The following SLAIN1 variants were observed in gnomAD, a reference collection of about 807,000 sequenced individuals.
SLAIN1 encodes the protein SLAIN family member 1.
Under a neutral mutation model 55.4 loss-of-function variants are expected in SLAIN1, and 17 were observed. The observed-to-expected ratio is 0.31, with a 90% CI of 0.21 to 0.46. The LOEUF (loss-of-function observed/expected upper bound fraction) is 0.46. SLAIN1 is among the 20% of genes least tolerant of loss of function. The probability of loss-of-function intolerance (pLI) is 1.00; values close to 1 mark genes in which losing one functional copy is unlikely to be tolerated. For synonymous variants in SLAIN1, 348 were observed against 337.4 expected, an observed-to-expected ratio of 1.03 and a Z score of -0.35; for missense variants, 682 against 785.1, an observed-to-expected ratio of 0.87 and a Z score of 1.57.
chr13:77,727,468 C>A (rs1347041243), intron 2 of SLAIN1, among the ~76,000 whole-genome samples: 3 of 144,192 alleles, frequency 2.1e-5, no homozygotes, highest in Non-Finnish European at 3.0e-5. Flanking sequence ...TTTCATTGAA[C>A]ATTTGGTGTT....
chr13:77,721,368 T>C (rs1035471427), intron 2 of SLAIN1, among the ~76,000 whole-genome samples: 1 of 152,166 alleles, frequency 6.6e-6, no homozygotes, highest in South Asian at 2.1e-4. Flanking sequence ...TTACCCAGTC[T>C]CAGGTAGTAT....
At chr13:77,730,826 T>G (rs1423778775) in intron 2 of SLAIN1, among the ~76,000 whole-genome samples, 2 of 152,172 alleles carry the variant, frequency 1.3e-5, no homozygotes, top group Non-Finnish European at 2.9e-5. Context: ...TATAGCATTT[T>G]CAGATAAATG....
chr13:77,698,751 G>A lies in SLAIN1; in HGVS notation c.626+212G>A. The stretch of plus-strand genomic sequence containing the variant: ...GAAGGCAGAAACCTGTTTTCTAATC[G>A]CTCCGACTGCGGATGAACCGGCCCC... On this transcript the variant is annotated intron_variant, in intron 1 of 6. Coordinates refer to ENST00000418532, the MANE Select transcript of SLAIN1 (RefSeq NM_001242868.2). The surrounding 1 kb of genome is among the most constrained non-coding windows in gnomAD (Gnocchi z 4.1). 8.9e-7 allele frequency: 1 copy of A among 1,121,684 alleles called. No individual in the cohort carries two copies. The allele number at this position is 1,121,684 out of a possible 1,614,324, so 69.5% of individuals were successfully genotyped here.
At chr13:77,719,407 A>G in intron 1 of SLAIN1, 125 bp from the exon 2 acceptor site, 1 of 590,468 alleles carries the variant, frequency 1.7e-6, no homozygotes. Context: ...TATTTCTGAT[A>G]CTTTGAAGTC....
intron 2 of SLAIN1, among the ~76,000 whole-genome samples, chr13:77,728,888 C>T (rs948631748): frequency 5.3e-5 from 8 of 152,172 alleles, no homozygotes; most frequent in Admixed American, 1.3e-4. Flanking sequence ...AAAATTAAAA[C>T]TTAGTCTGTG....
chr13:77,699,736 C>T (rs1411236619), intron 1 of SLAIN1, among the ~76,000 whole-genome samples: 1 of 152,174 alleles, frequency 6.6e-6, no homozygotes, highest in African/African-American at 2.4e-5. Context: ...GAGGTGTATT[C>T]ATCATCCACC....
chr13:77,740,459 G>A (rs186169332), intron 2 of SLAIN1, among the ~76,000 whole-genome samples: 7 of 151,842 alleles, frequency 4.6e-5, no homozygotes, highest in African/African-American at 1.7e-4. Flanking sequence ...GGGCCAGTTC[G>A]ATGCTATTCT....
At chr13:77,752,099 G>C (rs765288827) in intron 4 of SLAIN1, among the ~76,000 whole-genome samples, 10 of 151,832 alleles carry the variant, frequency 6.6e-5, no homozygotes, top group African/African-American at 9.7e-5. Flanking sequence ...GCATTCTCTT[G>C]GTCTTTTTTA....
chr13:77,707,718 GC>G (rs1379301365), intron 1 of SLAIN1, among the ~76,000 whole-genome samples: 2 of 152,130 alleles, frequency 1.3e-5, no homozygotes, highest in African/African-American at 4.8e-5. Context: ...TGTAAGCAAG[GC>G]AGTCATTTCT....
intron 5 of SLAIN1, 79 bp from the exon 6 acceptor site, chr13:77,760,749 C>A: frequency 6.7e-7 from 1 of 1,482,948 alleles, no homozygotes; most frequent in Non-Finnish European, 9.3e-7. Context: ...GCATAATGGA[C>A]TCTTCTGAAA....
chr13:77,753,289 C>T lies in SLAIN1; in HGVS notation c.1345C>T (p.Arg449Ter). The change falls in exon 5 of 7, where the codon CGA becomes TGA. Residue 449 changes from arginine to a stop codon, truncating the protein, a stop_gained. Transcript: ENST00000418532. LOFTEE classifies it high-confidence loss of function. ...SSNISSPVTV[R>*]NSQSFDSSLH... ...CAACATTAGTTCTCCGGTCACCGTGCGAAATAGTCAGAGTTTTGACTCAAG... is the reference window on the plus strand; with the variant it reads ...CAACATTAGTTCTCCGGTCACCGTGTGAAATAGTCAGAGTTTTGACTCAAG... 6.2e-7 allele frequency: 1 copy of T among 1,612,378 alleles called. No individual in the cohort carries two copies. Among genetic ancestry groups the T allele is most frequent in the Non-Finnish European group, 8.5e-7 (1 of 1,179,296 alleles).
chr13:77,699,151 A>G, intron 1 of SLAIN1: 1 of 1,265,620 alleles, frequency 7.9e-7, no homozygotes, highest in Non-Finnish European at 1.1e-6. Context: ...TGCTTTTTAA[A>G]ATGGGGTGAC....
At chr13:77,751,205 GAT>G (rs1874183686) in intron 4 of SLAIN1, among the ~76,000 whole-genome samples, 1 of 152,018 alleles carries the variant, frequency 6.6e-6, no homozygotes, top group African/African-American at 2.4e-5. Flanking sequence ...TATCAATAAA[GAT>G]AAAAATATCT....
intron 1 of SLAIN1, among the ~76,000 whole-genome samples, chr13:77,717,880 A>ACATT (rs2091223319): frequency 6.6e-6 from 1 of 152,162 alleles, no homozygotes; most frequent in Non-Finnish European, 1.5e-5. Flanking sequence ...GAGGCATGAG[A>ACATT]CATTGAGAAT....
Position 77,718,078 on chromosome 13 carries a change from A to G in SLAIN1, c.627-1454A>G, listed in dbSNP as rs1000265127. On this transcript the variant is annotated intron_variant, in intron 1 of 6. Transcript: ENST00000418532. ...TATATATACTCTTGATGGAGTCACAACTGTGCAACACACTCTAAGGAAAAA... is the reference window on the plus strand; with the variant it reads ...TATATATACTCTTGATGGAGTCACAGCTGTGCAACACACTCTAAGGAAAAA... Among the ~76,000 whole-genome samples, 183 of 152,058 alleles carry G rather than the reference A, an allele frequency of 1.2e-3. 1 individual carries two copies. Among genetic ancestry groups the G allele is most frequent in the African/African-American group, 4.2e-3 (174 of 41,484 alleles).
At chr13:77,740,977 G>A (rs1306280903) in intron 2 of SLAIN1, among the ~76,000 whole-genome samples, 1 of 152,008 alleles carries the variant, frequency 6.6e-6, no homozygotes. Flanking sequence ...CAACAATGTA[G>A]AGCATTCTTT....
intron 4 of SLAIN1, among the ~76,000 whole-genome samples, chr13:77,749,507 C>A (rs780463256): frequency 6.6e-6 from 1 of 152,092 alleles, no homozygotes; most frequent in Non-Finnish European, 1.5e-5. Context: ...ATGAGTGTCT[C>A]CTTTAGTCCT....
chr13:77,752,360 A>G (rs1006142522), intron 4 of SLAIN1, among the ~76,000 whole-genome samples: 10 of 149,732 alleles, frequency 6.7e-5, no homozygotes, highest in African/African-American at 2.5e-4. Context: ...AATGGCTATA[A>G]GATTATTTTC....
chr13:77,718,142 C>A (rs1014637448), intron 1 of SLAIN1, among the ~76,000 whole-genome samples: 1 of 151,816 alleles, frequency 6.6e-6, no homozygotes, highest in Admixed American at 6.6e-5. Context: ...CCATTGAGAT[C>A]TATATTTTAG....
Sources: allele counts gnomAD v4.1 joint callset (sites outside exome capture counted in the v4.1 genomes callset), GRCh38; gene constraint gnomAD v4.1.1; non-coding constraint Gnocchi (gnomAD v3.1); transcripts MANE v1.5; gene names NCBI Gene and HGNC (gene_info 2026-07-23, HGNC 2026-07-21).